Variants in HTR1F observed in about 807,000 individuals in gnomAD.
The protein encoded by HTR1F is 5-hydroxytryptamine (serotonin) receptor 1F, G protein-coupled.
In HTR1F, 17 loss-of-function variants were observed where a neutral mutation model predicts 24.0. The observed-to-expected ratio is 0.71, with a 90% confidence interval of 0.48 to 1.06. The LOEUF (loss-of-function observed/expected upper bound fraction) is 1.06, where lower values mean the gene tolerates loss of function less well. Among genes scored for constraint, HTR1F ranks in the 50% least tolerant of loss-of-function variants. The pLI, the probability that HTR1F is intolerant of heterozygous loss-of-function variation, is 0.00. For missense variants in HTR1F, 391 were observed against 427.8 expected, an observed-to-expected ratio of 0.91 and a Z score of 0.76; for synonymous variants, 186 against 156.8, an observed-to-expected ratio of 1.19 and a Z score of -1.39.
intron 2 of HTR1F, among the ~76,000 whole-genome samples, chr3:87,950,717 A>G (rs1704815387): frequency 6.6e-6 from 1 of 152,204 alleles, no homozygotes; most frequent in Non-Finnish European, 1.5e-5. Context: ...ACTGCAAACA[A>G]AACAAAATGT....
intron 1 of HTR1F, among the ~76,000 whole-genome samples, 56 bp downstream of exon 1, chr3:87,792,898 G>T (rs1703839145): frequency 6.6e-6 from 1 of 152,218 alleles, no homozygotes; most frequent in Non-Finnish European, 1.5e-5. Context: ...CGCAGCTGGC[G>T]CGCAGGTGGG....
chr3:87,853,467 T>C (rs1705132465), intron 2 of HTR1F, among the ~76,000 whole-genome samples: 1 of 152,110 alleles, frequency 6.6e-6, no homozygotes, highest in Non-Finnish European at 1.5e-5. Flanking sequence ...ATCCAGTCTA[T>C]CATTGATTGG....
At chr3:87,815,272 A>G (rs1704229427) in intron 1 of HTR1F, among the ~76,000 whole-genome samples, 1 of 152,038 alleles carries the variant, frequency 6.6e-6, no homozygotes, top group Non-Finnish European at 1.5e-5. Flanking sequence ...CAGATTTAGA[A>G]CATTGTGGGT....
intron 2 of HTR1F, among the ~76,000 whole-genome samples, chr3:87,882,091 C>G (rs1453698438): frequency 6.6e-6 from 1 of 152,080 alleles, no homozygotes; most frequent in Non-Finnish European, 1.5e-5. Context: ...TTTATGCAGC[C>G]AAAAGACACA....
intron 2 of HTR1F, among the ~76,000 whole-genome samples, chr3:87,978,336 T>G (rs1169465244): frequency 1.3e-5 from 2 of 152,196 alleles, no homozygotes; most frequent in Admixed American, 1.3e-4. Flanking sequence ...GGAGCTGTGT[T>G]TCAGTCCTGT....
chr3:87,984,272 A>G (rs1157885816), intron 2 of HTR1F, among the ~76,000 whole-genome samples: 1 of 152,236 alleles, frequency 6.6e-6, no homozygotes, highest in Non-Finnish European at 1.5e-5. Flanking sequence ...AACTTTATAC[A>G]TATCTCCATA....
At chr3:87,883,660 G>T (rs1236312819) in intron 2 of HTR1F, among the ~76,000 whole-genome samples, 1 of 152,178 alleles carries the variant, frequency 6.6e-6, no homozygotes, top group Non-Finnish European at 1.5e-5. Context: ...TGACCTGATG[G>T]AGCTGAAAAC....
intron 2 of HTR1F, among the ~76,000 whole-genome samples, chr3:87,891,867 T>C (rs1481599883): frequency 5.9e-5 from 9 of 152,198 alleles, no homozygotes; most frequent in Non-Finnish European, 1.2e-4. Context: ...ATTAACTTTA[T>C]AATCACCACT....
At chr3:87,895,480 A>T (rs900988067) in intron 2 of HTR1F, among the ~76,000 whole-genome samples, 18 of 151,930 alleles carry the variant, frequency 1.2e-4, no homozygotes, top group Admixed American at 1.2e-3. Context: ...TGGGATACCA[A>T]CTCTCTGTTG....
chr3:87,852,790 C>T (rs1575947411), intron 2 of HTR1F, among the ~76,000 whole-genome samples: 1 of 151,566 alleles, frequency 6.6e-6, no homozygotes. Flanking sequence ...TCTATTCTTC[C>T]GTGAGAAATT....
At chr3:87,975,595 C>G (rs1705379065) in intron 2 of HTR1F, among the ~76,000 whole-genome samples, 1 of 152,012 alleles carries the variant, frequency 6.6e-6, no homozygotes, top group Admixed American at 6.6e-5. Flanking sequence ...ATATTTTATT[C>G]TACAGCATTA....
intron 1 of HTR1F, among the ~76,000 whole-genome samples, chr3:87,793,798 T>A (rs1703856795): frequency 6.6e-6 from 1 of 152,162 alleles, no homozygotes; most frequent in Non-Finnish European, 1.5e-5. Context: ...ATTTTGTTTT[T>A]CCTGCATGTT....
At chr3:87,972,840 TG>T (rs1705313820) in intron 2 of HTR1F, among the ~76,000 whole-genome samples, 1 of 147,208 alleles carries the variant, frequency 6.8e-6, no homozygotes, top group Non-Finnish European at 1.5e-5. Context: ...TTCATTTTTT[TG>T]GCTAGAGTCT....
chr3:87,827,560 A>G (rs1436242030), intron 2 of HTR1F, among the ~76,000 whole-genome samples: 1 of 152,212 alleles, frequency 6.6e-6, no homozygotes. Context: ...TGAAAATAGC[A>G]TTCTGTAATT....
chr3:87,917,219 A>G (rs1171011736), intron 2 of HTR1F, among the ~76,000 whole-genome samples: 1 of 151,992 alleles, frequency 6.6e-6, no homozygotes, highest in Non-Finnish European at 1.5e-5. Context: ...AGGCAGTGCT[A>G]AAAGGAAAGT....
intron 2 of HTR1F, among the ~76,000 whole-genome samples, chr3:87,877,018 A>T (rs1705685853): frequency 6.6e-6 from 1 of 152,158 alleles, no homozygotes; most frequent in Admixed American, 6.5e-5. Context: ...TAGGCCTAGG[A>T]TATTAAATAT....
At chr3:87,874,639 A>G (rs1705630647) in intron 2 of HTR1F, among the ~76,000 whole-genome samples, 1 of 152,096 alleles carries the variant, frequency 6.6e-6, no homozygotes, top group African/African-American at 2.4e-5. Context: ...AATAGAAAAA[A>G]AAAAAACCCT....
At chr3:87,984,815 A>G (rs574650715) in intron 2 of HTR1F, among the ~76,000 whole-genome samples, 1 of 152,322 alleles carries the variant, frequency 6.6e-6, no homozygotes, top group African/African-American at 2.4e-5. Flanking sequence ...ACTCACTAAA[A>G]AAGTTCTTAA....
chr3:87,991,756 G>C lies in HTR1F; in HGVS notation c.1007G>C (p.Gly336Ala), dbSNP rs2107528695. 1 of 1,613,516 alleles carries C rather than the reference G, an allele frequency of 6.2e-7. No individual in the cohort carries two copies. The highest frequency in any genetic ancestry group is 8.5e-7 in the Non-Finnish European group (1 of 1,179,662). Residue 336 changes from glycine to alanine, a missense_variant, in exon 3 of 3, where the codon GGG becomes GCG. Physicochemically the swap from Gly to Ala is moderately conservative, Grantham distance 60 (BLOSUM62 0). Coordinates refer to ENST00000319595, the MANE Select transcript of HTR1F (RefSeq NM_001322209.2). ...ATGTCCAATTTTTTGGCATGGCTTG[G>C]GTATCTCAATTCCCTTATAAATCCA... ...EEMSNFLAWL[G>A]YLNSLINPLI...
Sources: allele counts gnomAD v4.1 joint callset (sites outside exome capture counted in the v4.1 genomes callset), GRCh38; gene constraint gnomAD v4.1.1; transcripts MANE v1.5; gene names NCBI Gene and HGNC (gene_info 2026-07-23, HGNC 2026-07-21).